The following RAD54B variants were observed in gnomAD, a reference collection of about 807,000 sequenced individuals.
The protein encoded by RAD54B is DNA repair and recombination protein RAD54B.
Under a neutral mutation model 95.8 loss-of-function variants are expected in RAD54B, and 78 were observed. The ratio of observed to expected loss-of-function variants is 0.81; its 90% CI spans 0.68 to 0.98. The LOEUF is 0.98. Ranked by LOEUF, RAD54B falls within the 50% of genes least tolerant of loss-of-function variation. RAD54B has a pLI of 0.00. For synonymous variants in RAD54B, 328 were observed against 354.9 expected (o/e 0.92, Z 0.85); for missense variants, 957 against 1,056.6 (o/e 0.91, Z 1.31).
In RAD54B at chr8:94,460,157, C is replaced by CA. The variant is rs35298354; in HGVS notation, c.136-1722dup. ...TGGGCAACAGAGCGAGACTCCGTCT[C>CA]AAAAAAAAAAAGATGAAACGAGATC... On this transcript the variant is annotated intron_variant, in intron 2 of 14. Transcript: ENST00000336148. 2.0e-3 allele frequency among the ~76,000 whole-genome samples: 286 copies of CA among 146,446 alleles called. 2 individuals are homozygous for CA. The highest frequency in any genetic ancestry group is 3.6e-3 in the Non-Finnish European group (239 of 65,972).
intron 6 of RAD54B, 60 bp from the exon 7 acceptor site, chr8:94,400,523 A>G: frequency 7.3e-7 from 1 of 1,362,076 alleles, no homozygotes. Context: ...TGCTCTTAAA[A>G]TCATCAAGAA....
chr8:94,435,269 T>C (rs1240585225), intron 3 of RAD54B, among the ~76,000 whole-genome samples: 1 of 152,078 alleles, frequency 6.6e-6, no homozygotes, highest in Non-Finnish European at 1.5e-5. Flanking sequence ...TGTATTCATG[T>C]CCTGGATTCC....
intron 14 of RAD54B, among the ~76,000 whole-genome samples, chr8:94,377,884 GAGA>G (rs1240975114): frequency 1.4e-5 from 2 of 145,658 alleles, no homozygotes; most frequent in African/African-American, 2.5e-5. Context: ...GCTGAGGCAG[GAGA>G]ATGGCGTGAA....
chr8:94,442,761 A>C (rs1261021499), intron 3 of RAD54B, among the ~76,000 whole-genome samples: 1 of 152,168 alleles, frequency 6.6e-6, no homozygotes, highest in East Asian at 1.9e-4. Context: ...AAAAGAAAAT[A>C]AAATCTTAGG....
At position 94,387,049 on chromosome 8, in the gene RAD54B, C is replaced by G. The variant is rs768313103; in HGVS notation, c.1920G>C (p.Glu640Asp). 1 of 1,613,660 alleles carries G rather than the reference C, an allele frequency of 6.2e-7. No individual in the cohort carries two copies. The highest frequency in any genetic ancestry group is 1.1e-5 in the South Asian group (1 of 90,988). ...DYNPLLFTEK[E>D]SGKLQVLSKL... Reference sequence around the variant, plus strand: ...TGGACAACACCTGTAGTTTTCCTGACTCCTTTTCAGTAAACAGGAGAGGGT... The same window carrying G: ...TGGACAACACCTGTAGTTTTCCTGAGTCCTTTTCAGTAAACAGGAGAGGGT... Residue 640 changes from glutamate to aspartate, a missense_variant, in exon 11 of 15, where the codon GAG (glutamate) becomes GAC (aspartate). Transcript: ENST00000336148.
chr8:94,470,367 G>C (rs529410305), intron 1 of RAD54B, among the ~76,000 whole-genome samples: 17 of 152,314 alleles, frequency 1.1e-4, no homozygotes, highest in South Asian at 8.3e-4. Flanking sequence ...GGGAGGCCAA[G>C]GTGAGTGGAT....
intron 2 of RAD54B, among the ~76,000 whole-genome samples, chr8:94,467,148 G>A (rs1418933886): frequency 6.6e-6 from 1 of 151,878 alleles, no homozygotes; most frequent in Non-Finnish European, 1.5e-5. Flanking sequence ...GGCAGGTCTT[G>A]ACGTCCTTAG....
Position 94,407,491 on chromosome 8 carries a change from A to ATT in RAD54B, c.727_728dup (p.Asn243LysfsTer45). On this transcript the variant is annotated frameshift_variant, in exon 5 of 15. Coordinates refer to ENST00000336148, the MANE Select transcript of RAD54B (RefSeq NM_012415.3). LOFTEE classifies it high-confidence loss of function. ...TGCAATTTTGGAAATCATTCTGTCT[A>ATT]TTTTCCTTTGAACTTGGTTTACAAA... The ATT allele has an allele frequency of 6.2e-7, 1 of 1,613,852 alleles. No homozygotes were observed.
chr8:94,424,235 T>G (rs1442587703), intron 3 of RAD54B, among the ~76,000 whole-genome samples: 1 of 152,208 alleles, frequency 6.6e-6, no homozygotes, highest in Non-Finnish European at 1.5e-5. Flanking sequence ...GTCAGAGTCT[T>G]AAGTCTGCCT....
Position 94,411,104 on chromosome 8 carries a change from A to T in RAD54B, c.499+17T>A. The T allele has an allele frequency of 6.4e-7, 1 of 1,563,802 alleles. No individual in the cohort carries two copies. The highest frequency in any genetic ancestry group is 8.7e-7 in the Non-Finnish European group (1 of 1,148,860). On this transcript the variant is annotated intron_variant, in intron 4 of 14. Coordinates refer to ENST00000336148, the MANE Select transcript of RAD54B (RefSeq NM_012415.3). ...AATTTCAGGCCAAACTGTAAACATT[A>T]GGTAGTATCATAATACCTCTTCCAA...
intron 9 of RAD54B, 120 bp downstream of exon 9, chr8:94,393,623 T>G: frequency 1.1e-6 from 1 of 947,350 alleles, no homozygotes; most frequent in Non-Finnish European, 1.6e-6. Flanking sequence ...AACGAAGGAT[T>G]GTGGAGAAAA....
Position 94,372,052 on chromosome 8 carries a change from G to C in RAD54B, c.*118C>G. 1.8e-5 allele frequency: 25 copies of C among 1,423,098 alleles called. No individual in the cohort carries two copies. Among genetic ancestry groups the C allele is most frequent in the Middle Eastern group, 2.6e-4 (1 of 3,850 alleles). The allele number at this position is 1,423,098 out of a possible 1,614,324, so 88.2% of individuals were successfully genotyped here. ...CAATTTTGACTATTGTATCAAAAGT[G>C]ATATATTTTGCAACATATACTGTAA... On this transcript the variant is annotated 3_prime_UTR_variant, in exon 15 of 15. Transcript: ENST00000336148.
At chr8:94,420,899 C>T (rs948693036) in intron 3 of RAD54B, among the ~76,000 whole-genome samples, 1 of 151,284 alleles carries the variant, frequency 6.6e-6, no homozygotes, top group African/African-American at 2.4e-5. Context: ...GCAGAAGAAT[C>T]ACCTGAACCC....
intron 3 of RAD54B, among the ~76,000 whole-genome samples, chr8:94,413,600 T>C (rs1157493403): frequency 2.0e-5 from 3 of 152,104 alleles, no homozygotes; most frequent in Admixed American, 1.3e-4. Context: ...AAATCTCTAA[T>C]AGAAAACACA....
chr8:94,467,095 A>C (rs549701513), intron 2 of RAD54B, among the ~76,000 whole-genome samples: 1 of 151,962 alleles, frequency 6.6e-6, no homozygotes, highest in African/African-American at 2.4e-5. Context: ...CACCCCACTA[A>C]ATTTTTATTT....
intron 2 of RAD54B, among the ~76,000 whole-genome samples, chr8:94,465,585 T>C (rs1278079537): frequency 6.6e-6 from 1 of 152,230 alleles, no homozygotes; most frequent in African/African-American, 2.4e-5. Context: ...GGTACAGCTA[T>C]GAAAAACAGT....
chr8:94,420,212 A>G (rs1811770122), intron 3 of RAD54B, among the ~76,000 whole-genome samples: 2 of 151,382 alleles, frequency 1.3e-5, no homozygotes, highest in South Asian at 2.1e-4. Flanking sequence ...CTAAATCAAT[A>G]TATCGACATG....
intron 11 of RAD54B, among the ~76,000 whole-genome samples, chr8:94,385,356 A>AGTCCAGTT (rs1383768609): frequency 0.016 from 2,221 of 140,104 alleles, 51 homozygotes; most frequent in African/African-American, 0.053. Context: ...AGAGAAAAAA[A>AGTCCAGTT]AAAGTCCAGT....
chr8:94,425,773 T>G (rs988989755), intron 3 of RAD54B, among the ~76,000 whole-genome samples: 3 of 151,446 alleles, frequency 2.0e-5, no homozygotes, highest in Non-Finnish European at 4.4e-5. Flanking sequence ...TCATATTTCT[T>G]CAATACCTCA....
Sources: allele counts gnomAD v4.1 joint callset (sites outside exome capture counted in the v4.1 genomes callset), GRCh38; gene constraint gnomAD v4.1.1; transcripts MANE v1.5; gene names NCBI Gene and HGNC (gene_info 2026-07-23, HGNC 2026-07-21).